The following SPG11 variants were observed in gnomAD, a reference collection of about 807,000 sequenced individuals.
SPG11 encodes the protein spatacsin.
In SPG11, 222 loss-of-function variants were observed where a neutral mutation model predicts 274.0. The observed-to-expected ratio is 0.81, with a 90% CI of 0.73 to 0.91. SPG11 has a LOEUF of 0.91. SPG11 is among the 40% of genes least tolerant of loss of function. SPG11 has a pLI of 0.00. For missense variants in SPG11, 3,114 were observed against 2,872.7 expected (o/e 1.08, Z -1.92); for synonymous variants, 1,144 against 1,039.7 (o/e 1.10, Z -1.93).
intron 27 of SPG11, 66 bp from the exon 28 acceptor site, chr15:44,589,480 A>C: frequency 6.3e-7 from 1 of 1,591,730 alleles, no homozygotes; most frequent in Non-Finnish European, 8.6e-7. Context: ...AAACCTCCAA[A>C]TCTGGGAACC....
intron 7 of SPG11, among the ~76,000 whole-genome samples, chr15:44,642,923 C>A (rs1030883197): frequency 6.6e-6 from 1 of 151,916 alleles, no homozygotes; most frequent in African/African-American, 2.4e-5. Context: ...TGAGGCCAGG[C>A]AAGGTAAGGG....
chr15:44,594,967 C>G (rs2140969014), intron 26 of SPG11, among the ~76,000 whole-genome samples: 1 of 152,258 alleles, frequency 6.6e-6, no homozygotes, highest in East Asian at 1.9e-4. Context: ...CAGGCCCACG[C>G]CACCATGCCT....
At chr15:44,654,590 G>A (rs1203037273) in intron 4 of SPG11, among the ~76,000 whole-genome samples, 2 of 152,140 alleles carry the variant, frequency 1.3e-5, no homozygotes, top group Non-Finnish European at 2.9e-5. Context: ...TGTAATCCCA[G>A]CATTTTTGGG....
chr15:44,598,662 A>G lies in SPG11; in HGVS notation c.3861T>C (p.Asp1287=). Residue 1287 remains aspartate, a synonymous_variant, in exon 22 of 40, where the codon GAT becomes GAC. Transcript: ENST00000261866. The part of the protein sequence containing the change: ...IILSYKCRNE[D]AQYSFIRESV... ...ACTCTCTGATAAAGCTGTACTGAGC[A>G]TCTTCATTTCTGCACTTGTAGCTCA... 3.1e-6 allele frequency: 5 copies of G among 1,614,216 alleles called. No homozygotes were observed. Among genetic ancestry groups the G allele is most frequent in the Non-Finnish European group, 2.5e-6 (3 of 1,180,034 alleles).
intron 7 of SPG11, among the ~76,000 whole-genome samples, chr15:44,637,558 C>T (rs1253018100): frequency 5.3e-5 from 8 of 152,180 alleles, no homozygotes; most frequent in Middle Eastern, 3.2e-3. Flanking sequence ...AAGTGATCTG[C>T]GCACCTCGGC....
At chr15:44,602,805 A>C (rs569428091) in intron 20 of SPG11, among the ~76,000 whole-genome samples, 4 of 152,078 alleles carry the variant, frequency 2.6e-5, no homozygotes, top group Admixed American at 2.6e-4. Context: ...TCATTCTGTT[A>C]ATGTGGTGTA....
intron 4 of SPG11, among the ~76,000 whole-genome samples, chr15:44,654,363 C>A (rs2084874301): frequency 6.6e-6 from 1 of 152,032 alleles, no homozygotes; most frequent in African/African-American, 2.4e-5. Flanking sequence ...CAAAAATTAG[C>A]TGGGCGTGGT....
chr15:44,588,779 G>A, intron 28 of SPG11: 1 of 294,282 alleles, frequency 3.4e-6, no homozygotes, highest in Non-Finnish European at 6.9e-6. Context: ...GATCGGCAAT[G>A]TTAATTACCG....
In SPG11 at chr15:44,592,420, C is replaced by G; in HGVS notation, c.4654G>C (p.Val1552Leu). ...ATACACAGTTCATACATCTCCATCA[C>G]CAGTAGTAACGGGGAATCCTTTGAC... is the stretch of plus-strand genomic sequence containing the variant. ...LFFKDSPLLL[V>L]MEMYELCMFF... Residue 1552 changes from valine to leucine, a missense_variant, in exon 27 of 40, where the codon GTG becomes CTG. Physicochemically the swap from Val to Leu is conservative, Grantham distance 32. Transcript: ENST00000261866. The G allele has an allele frequency of 6.2e-7, 1 of 1,601,854 alleles. No individual in the cohort carries two copies. Among genetic ancestry groups the G allele is most frequent in the Non-Finnish European group, 8.6e-7 (1 of 1,168,856 alleles).
In SPG11 at chr15:44,565,932, A is replaced by G. The variant is rs1460874304; in HGVS notation, c.6921T>C (p.Thr2307=). ...AGTTGATGAGCATTGTGTTCTGGCC[A>G]GTGTTCAGAAAGTGAATCTGCAGAG... ...LITLQIHFLN[T]GQNTMLINLG... The change falls in exon 38 of 40, where the codon ACT becomes ACC. Residue 2307 remains threonine, a synonymous_variant. Coordinates refer to ENST00000261866, the MANE Select transcript of SPG11 (RefSeq NM_025137.4). 6.2e-6 allele frequency: 10 copies of G among 1,613,808 alleles called. No homozygotes were observed. The highest frequency in any genetic ancestry group is 1.7e-5 in the Admixed American group (1 of 59,982).
intron 18 of SPG11, 57 bp downstream of exon 18, chr15:44,610,783 G>C (rs527628534): frequency 2.0e-6 from 3 of 1,464,744 alleles, no homozygotes; most frequent in African/African-American, 1.4e-5. Flanking sequence ...ACAATCCATA[G>C]ATAATTCTGC....
At chr15:44,588,434 G>A (rs1033992295) in intron 28 of SPG11, 2 of 153,830 alleles carry the variant, frequency 1.3e-5, no homozygotes, top group African/African-American at 4.8e-5. Context: ...GACAGGGTGT[G>A]GGAGTTAAGT....
chr15:44,626,649 G>A, intron 10 of SPG11, 142 bp from the exon 11 acceptor site: 1 of 866,726 alleles, frequency 1.2e-6, no homozygotes, highest in South Asian at 1.6e-5. Flanking sequence ...TTAGGTTCAA[G>A]GGATATTAAA....
chr15:44,591,829 A>T (rs1191587775), intron 27 of SPG11, among the ~76,000 whole-genome samples: 1 of 151,924 alleles, frequency 6.6e-6, no homozygotes, highest in African/African-American at 2.4e-5. Context: ...ATTAAAAATG[A>T]TCGGGTGCAG....
At position 44,615,538 on chromosome 15, in the gene SPG11, C is replaced by T; in HGVS notation, c.2863G>A (p.Glu955Lys). 6.2e-7 allele frequency: 1 copy of T among 1,614,016 alleles called. No homozygotes were observed. The highest frequency in any genetic ancestry group is 8.5e-7 in the Non-Finnish European group (1 of 1,179,992). ...RNGVFLASEL[E>K]DFECFLLRLS... is the part of the protein sequence containing the mutation. ...CTTAGGAGGAAGCATTCAAAGTCTT[C>T]CAGTTCAGATGCCAAAAAAACCCCA... The change falls in exon 16 of 40, where the codon GAA becomes AAA. Residue 955 changes from glutamate (E) to lysine (K), a missense_variant. Glu to Lys is a moderately conservative substitution (Grantham distance 56, BLOSUM62 1). Transcript: ENST00000261866.
Position 44,589,406 on chromosome 15 carries a change from T to C in SPG11, c.4752A>G (p.Thr1584=). 6.2e-7 allele frequency: 1 copy of C among 1,614,094 alleles called. No homozygotes were observed. The highest frequency in any genetic ancestry group is 8.5e-7 in the Non-Finnish European group (1 of 1,179,918). ...TGACAGGGTGGACCTTTGTGGCTGC[T>C]GTGTTAAGCTATGAAAGAAAAAGAG... is the stretch of plus-strand genomic sequence containing the variant. The part of the protein sequence containing the change: ...EFQKSLETLN[T]AATKVHPVIP... Residue 1584 remains threonine, a synonymous_variant, in exon 28 of 40, where the codon ACA becomes ACG. Transcript: ENST00000261866.
chr15:44,570,999 CA>C (rs1460388500), intron 33 of SPG11, among the ~76,000 whole-genome samples: 3 of 152,136 alleles, frequency 2.0e-5, no homozygotes, highest in Non-Finnish European at 2.9e-5. Context: ...AACATGAATC[CA>C]AGGGCATTCT....
At chr15:44,646,207 A>G (rs1346371458) in intron 7 of SPG11, among the ~76,000 whole-genome samples, 5 of 152,214 alleles carry the variant, frequency 3.3e-5, no homozygotes, top group Non-Finnish European at 4.4e-5. Flanking sequence ...ACTATTGACA[A>G]TGGCAAAGAT....
intron 30 of SPG11, among the ~76,000 whole-genome samples, chr15:44,579,380 C>T (rs1018210930): frequency 6.7e-6 from 1 of 149,560 alleles, no homozygotes; most frequent in African/African-American, 2.5e-5. Context: ...CACAAACACA[C>T]AAAAATAGCT....
Sources: allele counts gnomAD v4.1 joint callset (sites outside exome capture counted in the v4.1 genomes callset), GRCh38; gene constraint gnomAD v4.1.1; transcripts MANE v1.5; gene names NCBI Gene and HGNC (gene_info 2026-07-23, HGNC 2026-07-21).